Variants in ZCCHC24 observed in about 807,000 individuals in gnomAD.
The protein encoded by ZCCHC24 is zinc finger CCHC domain-containing protein 24.
In ZCCHC24, 10 loss-of-function variants were observed where a neutral mutation model predicts 26.2. The observed-to-expected ratio is 0.38, with a 90% confidence interval of 0.24 to 0.65. The LOEUF is 0.65. Among genes scored for constraint, ZCCHC24 ranks in the 30% least tolerant of loss-of-function variants. The pLI is 0.54. For synonymous variants in ZCCHC24, 144 were observed against 147.1 expected (o/e 0.98, Z 0.15); for missense variants, 243 against 329.1 (o/e 0.74, Z 2.03).
chr10:79,403,913 T>G (rs759625576), intron 2 of ZCCHC24, among the ~76,000 whole-genome samples: 3 of 148,058 alleles, frequency 2.0e-5, no homozygotes, highest in African/African-American at 5.1e-5. Flanking sequence ...GGAAGGGAGA[T>G]AGAGAGGAGA....
intron 2 of ZCCHC24, among the ~76,000 whole-genome samples, chr10:79,425,766 T>A (rs1374967772): frequency 6.6e-6 from 1 of 152,216 alleles, no homozygotes; most frequent in African/African-American, 2.4e-5. Context: ...AACTCAGTGC[T>A]TAGAAGCTAT....
At chr10:79,392,247 C>T (rs901364822) in intron 3 of ZCCHC24, among the ~76,000 whole-genome samples, 14 of 152,144 alleles carry the variant, frequency 9.2e-5, no homozygotes, top group African/African-American at 2.9e-4. Context: ...GAGCAAGTCA[C>T]GGAACTAGGC....
At chr10:79,402,270 T>G (rs1282397640) in intron 2 of ZCCHC24, among the ~76,000 whole-genome samples, 3 of 152,076 alleles carry the variant, frequency 2.0e-5, no homozygotes, top group African/African-American at 7.2e-5. Context: ...TGGTTTTTCT[T>G]TTTTTTTCTT....
rs554104079 is a variant in ZCCHC24, at chr10:79,391,096, A to G, written c.612+3180T>C. Among the ~76,000 whole-genome samples the G allele has an allele frequency of 7.2e-5, 11 of 152,242 alleles. No homozygotes were observed. The South Asian group carries it at 2.3e-3, about 32-fold the overall frequency. ...CAGCTGACTGGTCACTGGTCACTTG[A>G]CTACTCAAGTCCTGTCTCCTTTTGG... On this transcript the variant is annotated intron_variant, in intron 3 of 3. Transcript: ENST00000372336.
At chr10:79,401,210 AGCCTGAGGTATGT>A (rs1485773583) in intron 2 of ZCCHC24, among the ~76,000 whole-genome samples, 1 of 152,174 alleles carries the variant, frequency 6.6e-6, no homozygotes. Context: ...GATACCTCCC[AGCCTGAGGTATGT>A]GCCTCACCCC....
chr10:79,418,366 T>G (rs1856892808), intron 2 of ZCCHC24, among the ~76,000 whole-genome samples: 1 of 152,146 alleles, frequency 6.6e-6, no homozygotes, highest in South Asian at 2.1e-4. Context: ...GAGACAGCCC[T>G]GGGATGAGAG....
At chr10:79,421,636 T>G (rs896242575) in intron 2 of ZCCHC24, among the ~76,000 whole-genome samples, 3 of 152,158 alleles carry the variant, frequency 2.0e-5, no homozygotes, top group African/African-American at 7.2e-5. Flanking sequence ...ATTTATTCAT[T>G]TATTTTAGAA....
intron 2 of ZCCHC24, among the ~76,000 whole-genome samples, chr10:79,425,924 G>A (rs1481876625): frequency 4.6e-5 from 7 of 152,256 alleles, no homozygotes; most frequent in Admixed American, 1.3e-4. Flanking sequence ...GACATTGGCC[G>A]GACCATGGCT....
Position 79,445,318 on chromosome 10 carries a change from C to CAT in ZCCHC24, c.122_123insAT (p.Pro42CysfsTer44). 6.6e-7 allele frequency: 1 copy of CAT among 1,517,400 alleles called. No individual in the cohort carries two copies. The highest frequency in any genetic ancestry group is 8.8e-7 in the Non-Finnish European group (1 of 1,134,464). The allele number at this position is 1,517,400 out of a possible 1,614,324, so 94.0% of individuals were successfully genotyped here. A position where few individuals can be genotyped will look rare whatever the true frequency, so the allele number is the denominator to read the frequency against. On this transcript the variant is annotated frameshift_variant, in exon 1 of 4. Coordinates refer to ENST00000372336, the MANE Select transcript of ZCCHC24 (RefSeq NM_153367.4). LOFTEE classifies it high-confidence loss of function. ...GTGCGGCGCCGGCGGTCGGCTCGGG[C>CAT]CGGAAGGCATCGAAGGCGCTAGCCT... is the stretch of plus-strand genomic sequence containing the variant.
At chr10:79,394,544 T>C (rs1856519932) in intron 2 of ZCCHC24, 104 bp from the exon 3 acceptor site, 4 of 1,515,682 alleles carry the variant, frequency 2.6e-6, no homozygotes, top group Admixed American at 2.1e-5. Flanking sequence ...CCTGTGTCCA[T>C]GTGTGCAGGC....
chr10:79,442,379 A>T (rs570658912), intron 1 of ZCCHC24, among the ~76,000 whole-genome samples: 1 of 152,164 alleles, frequency 6.6e-6, no homozygotes, highest in African/African-American at 2.4e-5. Flanking sequence ...CCAGTGTGCC[A>T]CTCAGAACCG....
chr10:79,406,630 CT>C (rs1856717758), intron 2 of ZCCHC24, among the ~76,000 whole-genome samples: 1 of 152,188 alleles, frequency 6.6e-6, no homozygotes, highest in African/African-American at 2.4e-5. Context: ...CTCACAGCTC[CT>C]GCTATGTGTG....
Position 79,383,377 on chromosome 10 carries a change from G to A in ZCCHC24, c.*2968C>T, listed in dbSNP as rs1392060597. 2 of 152,530 alleles carry A rather than the reference G, an allele frequency of 1.3e-5. No homozygotes were observed. The highest frequency in any genetic ancestry group is 2.9e-5 in the Non-Finnish European group (2 of 68,034). The allele number at this position is 152,530 out of a possible 1,614,324, so 9.4% of individuals were successfully genotyped here. A position where few individuals can be genotyped will look rare whatever the true frequency, so the allele number is the denominator to read the frequency against. On this transcript the variant is annotated 3_prime_UTR_variant, in exon 4 of 4. Coordinates refer to ENST00000372336, the MANE Select transcript of ZCCHC24 (RefSeq NM_153367.4). ...ATGTAGACAATATTTCCTTCTGAAT[G>A]TAGTTCAGTTGCATATTTTTACAGA...
At chr10:79,389,513 T>C (rs1363129286) in intron 3 of ZCCHC24, among the ~76,000 whole-genome samples, 1 of 148,232 alleles carries the variant, frequency 6.7e-6, no homozygotes, top group African/African-American at 2.5e-5. Context: ...TTAATAACAT[T>C]CACTGACTTT....
intron 2 of ZCCHC24, among the ~76,000 whole-genome samples, chr10:79,425,080 A>G (rs1462213439): frequency 3.9e-5 from 6 of 152,150 alleles, no homozygotes; most frequent in African/African-American, 1.4e-4. Context: ...TCTGTCCTGG[A>G]CAGACTGTGT....
At chr10:79,425,585 T>C (rs1857015810) in intron 2 of ZCCHC24, among the ~76,000 whole-genome samples, 1 of 152,186 alleles carries the variant, frequency 6.6e-6, no homozygotes, top group Admixed American at 6.5e-5. Flanking sequence ...AGCACCTGAG[T>C]TCCAATTCCA....
At chr10:79,440,109 C>T (rs1259091964) in intron 1 of ZCCHC24, among the ~76,000 whole-genome samples, 4 of 141,890 alleles carry the variant, frequency 2.8e-5, no homozygotes, top group African/African-American at 1.1e-4. Context: ...ACCACCACCA[C>T]GACACACACA....
In ZCCHC24 at chr10:79,435,056, C is replaced by T. The variant is rs182775251; in HGVS notation, c.247-2298G>A. ...CCCCACACCAGAAGGCCCCCTCCCC[C>T]TCCAAATCCGCCCCAGCCTCCCAGA... On this transcript the variant is annotated intron_variant, in intron 1 of 3. Coordinates refer to ENST00000372336, the MANE Select transcript of ZCCHC24 (RefSeq NM_153367.4). 7.3e-3 allele frequency among the ~76,000 whole-genome samples: 1,111 copies of T among 152,246 alleles called. 4 individuals are homozygous for T. The highest frequency in any genetic ancestry group is 0.012 in the Non-Finnish European group (825 of 68,014).
At chr10:79,406,782 C>T (rs1856719968) in intron 2 of ZCCHC24, among the ~76,000 whole-genome samples, 1 of 152,244 alleles carries the variant, frequency 6.6e-6, no homozygotes, top group African/African-American at 2.4e-5. Context: ...GCCTGACTGA[C>T]TGCTGCAACG....
Sources: allele counts gnomAD v4.1 joint callset (sites outside exome capture counted in the v4.1 genomes callset), GRCh38; gene constraint gnomAD v4.1.1; transcripts MANE v1.5; gene names NCBI Gene and HGNC (gene_info 2026-07-23, HGNC 2026-07-21).